Variants in INTS6 observed in about 807,000 individuals in gnomAD.
The protein encoded by INTS6 is integrator complex subunit 6.
In INTS6, 16 loss-of-function variants were observed where a neutral mutation model predicts 104.9. The observed-to-expected ratio is 0.15, with a 90% CI of 0.10 to 0.23. INTS6 has a LOEUF of 0.23. INTS6 is among the 10% of genes least tolerant of loss of function. The probability of loss-of-function intolerance (pLI) is 1.00; values close to 1 mark genes in which losing one functional copy is unlikely to be tolerated. For synonymous variants in INTS6, 324 were observed against 358.7 expected, an observed-to-expected ratio of 0.90 and a Z score of 1.09; for missense variants, 584 against 1,062.8, an observed-to-expected ratio of 0.55 and a Z score of 6.26.
chr13:51,396,369 C>A (rs56017742), intron 4 of INTS6, among the ~76,000 whole-genome samples: 17,902 of 152,130 alleles, frequency 0.12, 1,322 homozygotes, highest in South Asian at 0.21. Flanking sequence ...GTATGTGTTG[C>A]ATGTTTTATT....
the INTS6 span, chr13:51,344,172 A>G: frequency 2.0e-6 from 2 of 999,874 alleles, no homozygotes; most frequent in African/African-American, 1.6e-5. Context: ...GTTCCATCTC[A>G]ATGCAATGTG....
At chr13:51,352,962 ATGGTGAGATTTATATGGTAT>A (rs1955422146), downstream of INTS6, among the ~76,000 whole-genome samples, 1 of 152,148 alleles carries the variant, frequency 6.6e-6, no homozygotes, top group African/African-American at 2.4e-5. Flanking sequence ...CCACTTTGTC[ATGGTGAGATTTATATGGTAT>A]TGGATTTAAT....
chr13:51,412,868 CCA>C (rs1289803907), intron 4 of INTS6, among the ~76,000 whole-genome samples: 1 of 152,078 alleles, frequency 6.6e-6, no homozygotes, highest in Non-Finnish European at 1.5e-5. Flanking sequence ...GCAAAATTCT[CCA>C]GAGTAATTAA....
At chr13:51,406,351 A>G (rs1360109568) in intron 4 of INTS6, among the ~76,000 whole-genome samples, 1 of 152,172 alleles carries the variant, frequency 6.6e-6, no homozygotes, top group African/African-American at 2.4e-5. Context: ...ACTGAACTTA[A>G]GATTTTCCTC....
the INTS6 span, among the ~76,000 whole-genome samples, chr13:51,335,253 T>G: frequency 6.6e-6 from 1 of 152,032 alleles, no homozygotes; most frequent in African/African-American, 2.4e-5. Context: ...ATTTGCAATA[T>G]CTAAAATTGG....
intron 4 of INTS6, among the ~76,000 whole-genome samples, chr13:51,415,866 G>A (rs78328757): frequency 0.011 from 1,728 of 152,194 alleles, 26 homozygotes; most frequent in East Asian, 0.07. Flanking sequence ...GTCAGTAAAC[G>A]TGTAAGAAAA....
chr13:51,399,454 T>C (rs1956396232), intron 4 of INTS6, among the ~76,000 whole-genome samples: 1 of 152,234 alleles, frequency 6.6e-6, no homozygotes, highest in Non-Finnish European at 1.5e-5. Context: ...TGTTTGGGTA[T>C]GTTATGAATA....
At chr13:51,449,553 G>A in intron 3 of INTS6, 1 of 984,740 alleles carries the variant, frequency 1.0e-6, no homozygotes, top group Non-Finnish European at 1.2e-6. Context: ...TATGAAATGT[G>A]ATGCAGAAAA....
chr13:51,357,783 G>A (rs1406605403), downstream of INTS6, among the ~76,000 whole-genome samples: 1 of 151,986 alleles, frequency 6.6e-6, no homozygotes, highest in East Asian at 1.9e-4. Flanking sequence ...ACTGGCTTTA[G>A]GATCAGCAGG....
intron 3 of INTS6, chr13:51,447,555 C>G (rs899153045): frequency 6.6e-6 from 1 of 151,786 alleles, no homozygotes; most frequent in African/African-American, 2.4e-5. Flanking sequence ...AGATATCTGT[C>G]AAGGATTGTC....
At chr13:51,440,309 A>G (rs1406425152) in intron 3 of INTS6, 5 of 152,130 alleles carry the variant, frequency 3.3e-5, no homozygotes, top group African/African-American at 4.8e-5. Context: ...AAGCTTACAG[A>G]ATAAGGATAT....
At chr13:51,378,585 T>C (rs1331840755) in intron 11 of INTS6, 131 bp from the exon 12 acceptor site, 4 of 447,906 alleles carry the variant, frequency 8.9e-6, no homozygotes, top group Non-Finnish European at 1.1e-5. Context: ...TCAAGTAGCA[T>C]AGTTTATGTC....
intron 3 of INTS6, chr13:51,441,013 T>A (rs1952787988): frequency 6.6e-6 from 1 of 152,358 alleles, no homozygotes; most frequent in Non-Finnish European, 1.5e-5. Flanking sequence ...AATGAGCCCC[T>A]ACCATATGCC....
In INTS6 at chr13:51,452,876, T is replaced by TC. The variant is rs1555293355; in HGVS notation, c.-352dup. 15 of 1,128,612 alleles carry TC rather than the reference T, an allele frequency of 1.3e-5. No individual in the cohort carries two copies. Among genetic ancestry groups the TC allele is most frequent in the Non-Finnish European group, 1.5e-5 (14 of 916,580 alleles). 69.9% of individuals were successfully genotyped at this position (1,128,612 alleles called of 1,614,324 possible). ...TGTCCCAGCGGGAGACGGGCCTGGC[T>TC]CCCCACCCCACCCCCGGTACAGGAG... On this transcript the variant is annotated 5_prime_UTR_variant, in exon 1 of 18. Coordinates refer to ENST00000311234, the MANE Select transcript of INTS6 (RefSeq NM_012141.3). This position sits in a 1 kb window ranked among gnomAD's most constrained non-coding sequence, Gnocchi z 4.2.
chr13:51,436,888 G>A (rs965709584), intron 3 of INTS6: 3 of 152,106 alleles, frequency 2.0e-5, no homozygotes, highest in African/African-American at 7.2e-5. Flanking sequence ...GTCATATAAG[G>A]AGTAATTAAG....
intron 3 of INTS6, among the ~76,000 whole-genome samples, chr13:51,436,181 G>A (rs1479415183): frequency 6.6e-6 from 1 of 152,042 alleles, no homozygotes; most frequent in Non-Finnish European, 1.5e-5. Flanking sequence ...TAGAAAGGAA[G>A]TAAACAATTG....
At chr13:51,415,634 G>A (rs1956774506) in intron 4 of INTS6, among the ~76,000 whole-genome samples, 1 of 147,832 alleles carries the variant, frequency 6.8e-6, no homozygotes, top group Non-Finnish European at 1.5e-5. Flanking sequence ...CAGCCATGTA[G>A]AACTTTAAGT....
In INTS6 at chr13:51,402,223, A is replaced by G. The variant is rs78261763; in HGVS notation, c.430-6740T>C. 9.1e-4 allele frequency among the ~76,000 whole-genome samples: 138 copies of G among 152,308 alleles called. 1 individual carries two copies. In the East Asian group the frequency reaches 0.022, roughly 24 times the overall value. On this transcript the variant is annotated intron_variant, in intron 4 of 17. Coordinates refer to ENST00000311234, the MANE Select transcript of INTS6 (RefSeq NM_012141.3). ...CCAAGCACCATTCCATGAGCTTTACATACAGTATTTACAACAAGCAAATGG... is the reference window on the plus strand; with the variant it reads ...CCAAGCACCATTCCATGAGCTTTACGTACAGTATTTACAACAAGCAAATGG...
chr13:51,422,943 A>T lies in INTS6; in HGVS notation c.429+7351T>A. The T allele has an allele frequency of 1.0e-5, 6 of 593,850 alleles. No homozygotes were observed. In the South Asian group the frequency reaches 1.0e-4, roughly 10 times the overall value. 36.8% of individuals were successfully genotyped at this position (593,850 alleles called of 1,614,324 possible). ...TTCCTTACTCTTCCCTCAAAACTTT[A>T]CTCCTTTCTTTACGCTGTCTCAGAA... On this transcript the variant is annotated intron_variant, in intron 4 of 17. Transcript: ENST00000311234.
Sources: allele counts gnomAD v4.1 joint callset (sites outside exome capture counted in the v4.1 genomes callset), GRCh38; gene constraint gnomAD v4.1.1; non-coding constraint Gnocchi (gnomAD v3.1); transcripts MANE v1.5; gene names NCBI Gene and HGNC (gene_info 2026-07-23, HGNC 2026-07-21).